Variants in ADRA1B observed in about 807,000 individuals in gnomAD.
The protein encoded by ADRA1B is adrenoceptor alpha 1B.
Under a neutral mutation model 17.9 loss-of-function variants are expected in ADRA1B, and 17 were observed. The observed-to-expected ratio is 0.95, with a 90% CI of 0.65 to 1.42. The LOEUF is 1.42. Among genes scored for constraint, ADRA1B ranks in the 40% most tolerant of loss-of-function variants. ADRA1B has a pLI of 0.00. For missense variants in ADRA1B, 681 were observed against 722.1 expected, an observed-to-expected ratio of 0.94 and a Z score of 0.65; for synonymous variants, 366 against 327.6, an observed-to-expected ratio of 1.12 and a Z score of -1.27.
chr5:159,936,927 T>C (rs749356683), intron 1 of ADRA1B, among the ~76,000 whole-genome samples: 19 of 152,212 alleles, frequency 1.2e-4, no homozygotes, highest in Non-Finnish European at 2.1e-4. Flanking sequence ...CCACTGTGAG[T>C]GGCCTTATCC....
chr5:159,925,951 G>C (rs1233759813), intron 1 of ADRA1B, among the ~76,000 whole-genome samples: 3 of 151,106 alleles, frequency 2.0e-5, no homozygotes, highest in Admixed American at 6.6e-5. Flanking sequence ...AAGCCCTAAG[G>C]CTACTCTCCT....
At chr5:159,962,718 T>TGGAATGCAG (rs1191299830) in intron 1 of ADRA1B, among the ~76,000 whole-genome samples, 6 of 146,028 alleles carry the variant, frequency 4.1e-5, no homozygotes, top group Non-Finnish European at 9.0e-5. Flanking sequence ...TTGCCCAGCC[T>TGGAATGCAG]GGAATGCAGT....
chr5:159,939,220 G>C (rs1479690204), intron 1 of ADRA1B, among the ~76,000 whole-genome samples: 2 of 151,448 alleles, frequency 1.3e-5, no homozygotes, highest in African/African-American at 2.4e-5. Flanking sequence ...GAAACAAAGA[G>C]TGCTGGATTC....
the ADRA1B span, among the ~76,000 whole-genome samples, chr5:159,986,954 G>T: frequency 2.0e-5 from 3 of 152,190 alleles, no homozygotes; most frequent in African/African-American, 7.2e-5. Context: ...CTCTGATGGT[G>T]CTGCTTCCAG....
intron 1 of ADRA1B, among the ~76,000 whole-genome samples, chr5:159,871,970 T>C (rs1045837812): frequency 2.0e-5 from 3 of 152,150 alleles, no homozygotes; most frequent in South Asian, 2.1e-4. Flanking sequence ...CCTACTACTT[T>C]ATGTACTCAT....
At chr5:159,892,854 A>G (rs1188506315) in intron 1 of ADRA1B, among the ~76,000 whole-genome samples, 1 of 152,174 alleles carries the variant, frequency 6.6e-6, no homozygotes, top group Non-Finnish European at 1.5e-5. Flanking sequence ...ATACCCAGTA[A>G]TGGGATTGTT....
At chr5:159,971,738 C>A in intron 1 of ADRA1B, 141 bp from the exon 2 acceptor site, 1 of 816,152 alleles carries the variant, frequency 1.2e-6, no homozygotes, top group Non-Finnish European at 1.7e-6. Context: ...GTATTCCGGG[C>A]AGAGGAACCG....
Position 159,962,382 on chromosome 5 carries a change from TG to T in ADRA1B, c.950-9496del, listed in dbSNP as rs1561609665. On this transcript the variant is annotated intron_variant, in intron 1 of 1. Transcript: ENST00000306675. The stretch of plus-strand genomic sequence containing the variant: ...CCTCAGACTGGTGCTGCCATCTGTC[TG>T]AGTGGTGCTGCCATCCGTCTGATTT... Among the ~76,000 whole-genome samples, 596 of 134,002 alleles carry T rather than the reference TG, an allele frequency of 4.4e-3. 7 individuals carry two copies. The highest frequency in any genetic ancestry group is 0.015 in the African/African-American group (571 of 38,214). The allele number at this position is 134,002 out of a possible 152,430, so 87.9% of individuals were successfully genotyped here.
intron 1 of ADRA1B, among the ~76,000 whole-genome samples, chr5:159,943,080 C>T (rs760865891): frequency 2.6e-5 from 4 of 151,924 alleles, no homozygotes; most frequent in South Asian, 2.1e-4. Flanking sequence ...GGCATGGTGG[C>T]GTGCACTTGT....
At chr5:159,963,158 G>A (rs888342623) in intron 1 of ADRA1B, among the ~76,000 whole-genome samples, 2 of 150,652 alleles carry the variant, frequency 1.3e-5, no homozygotes, top group Non-Finnish European at 3.0e-5. Flanking sequence ...AAAAAGCACA[G>A]AGAAGGAAAA....
At chr5:159,927,100 T>G (rs563814783) in intron 1 of ADRA1B, among the ~76,000 whole-genome samples, 7 of 152,134 alleles carry the variant, frequency 4.6e-5, no homozygotes, top group African/African-American at 1.7e-4. Flanking sequence ...GGACACAAGG[T>G]AGGATCTTGA....
chr5:159,907,769 C>T (rs1400966162), intron 1 of ADRA1B, among the ~76,000 whole-genome samples: 4 of 152,120 alleles, frequency 2.6e-5, no homozygotes, highest in Admixed American at 2.6e-4. Flanking sequence ...CAGATAGAAG[C>T]TTAAATAAAT....
At chr5:159,966,106 A>G (rs2113290172) in intron 1 of ADRA1B, among the ~76,000 whole-genome samples, 1 of 152,292 alleles carries the variant, frequency 6.6e-6, no homozygotes, top group African/African-American at 2.4e-5. Flanking sequence ...AAAAAGACCC[A>G]GCTCACACCA....
Position 159,927,064 on chromosome 5 carries a change from G to A in ADRA1B, c.949+9210G>A, listed in dbSNP as rs117980818. On this transcript the variant is annotated intron_variant, in intron 1 of 1. Coordinates refer to ENST00000306675, the MANE Select transcript of ADRA1B (RefSeq NM_000679.4). ...GGCCTGGTCATGAAGCCGGTGAAGC[G>A]AGATTGGCTAGGTCAAGACCCGTGT... Among the ~76,000 whole-genome samples the A allele has an allele frequency of 1.8e-4, 28 of 152,222 alleles. No homozygotes were observed. In the East Asian group the frequency reaches 5.0e-3, roughly 27 times the overall value.
intron 1 of ADRA1B, chr5:159,950,460 CA>C: frequency 2.6e-6 from 3 of 1,149,420 alleles, no homozygotes; most frequent in Non-Finnish European, 3.9e-6. Context: ...CGCTTCCTCT[CA>C]TGCTCTCACT....
chr5:159,900,085 C>T (rs1203982481), intron 1 of ADRA1B, among the ~76,000 whole-genome samples: 4 of 152,126 alleles, frequency 2.6e-5, no homozygotes. Flanking sequence ...TATTCTAGTC[C>T]AATAATCTGC....
chr5:159,879,761 C>T (rs993519004), intron 1 of ADRA1B, among the ~76,000 whole-genome samples: 5 of 152,060 alleles, frequency 3.3e-5, no homozygotes, highest in African/African-American at 7.2e-5. Flanking sequence ...TTTGGGAGGC[C>T]GAGGCGGGCG....
At chr5:159,900,712 C>T (rs1455789299) in intron 1 of ADRA1B, among the ~76,000 whole-genome samples, 1 of 152,232 alleles carries the variant, frequency 6.6e-6, no homozygotes, top group Non-Finnish European at 1.5e-5. Context: ...CCATACCCCC[C>T]ACTGAGCAAG....
chr5:159,937,081 C>T (rs183026868), intron 1 of ADRA1B, among the ~76,000 whole-genome samples: 2 of 152,252 alleles, frequency 1.3e-5, no homozygotes, highest in African/African-American at 4.8e-5. Flanking sequence ...TTTTCCCAAG[C>T]CCTCTGGGTA....
Sources: gnomAD v4.1 joint callset for allele counts (sites outside exome capture counted in the v4.1 genomes callset) on GRCh38, gnomAD v4.1.1 for gene constraint, MANE v1.5 for transcripts, NCBI Gene and HGNC (gene_info 2026-07-23, HGNC 2026-07-21) for gene names.